DLG1: variants seen among roughly 807,000 people sequenced by gnomAD.
DLG1 encodes disks large homolog 1.
In DLG1, 42 loss-of-function variants were observed where a neutral mutation model predicts 123.4. The ratio of observed to expected loss-of-function variants is 0.34; its 90% confidence interval spans 0.27 to 0.44. The LOEUF (loss-of-function observed/expected upper bound fraction) is 0.44. DLG1 is among the 20% of genes least tolerant of loss of function. The pLI, the probability that DLG1 is intolerant of heterozygous loss-of-function variation, is 1.00. For synonymous variants in DLG1, 317 were observed against 356.2 expected, an observed-to-expected ratio of 0.89 and a Z score of 1.24; for missense variants, 942 against 1,082.6, an observed-to-expected ratio of 0.87 and a Z score of 1.82.
At chr3:197,148,411 GAAAAA>G (rs780479244) in intron 6 of DLG1, among the ~76,000 whole-genome samples, 1 of 42,894 alleles carries the variant, frequency 2.3e-5, no homozygotes, top group Non-Finnish European at 4.9e-5. Context: ...ACTGTCTCAA[GAAAAA>G]AAAAAAAAAA....
intron 6 of DLG1, among the ~76,000 whole-genome samples, chr3:197,149,100 C>G (rs957549245): frequency 6.6e-6 from 1 of 152,086 alleles, no homozygotes; most frequent in Non-Finnish European, 1.5e-5. Context: ...GTATGCAATT[C>G]AGTAGTTTCT....
At chr3:197,294,095 CTAAG>C (rs1372191003) in intron 3 of DLG1, 2 of 152,096 alleles carry the variant, frequency 1.3e-5, no homozygotes, top group African/African-American at 2.4e-5. Context: ...CATTTTCAGA[CTAAG>C]TATTAAAAGT....
At position 197,251,517 on chromosome 3, in the gene DLG1, C is replaced by T. The variant is rs115468107; in HGVS notation, c.318+31162G>A. Reference sequence around the variant, plus strand: ...AGCCAACTCATCTTCAACAAAGATGCCAAGAACATATAATGGGGAAAGGAC... The same window carrying T: ...AGCCAACTCATCTTCAACAAAGATGTCAAGAACATATAATGGGGAAAGGAC... On this transcript the variant is annotated intron_variant, in intron 4 of 24. Transcript: ENST00000667157. Among the ~76,000 whole-genome samples, 774 of 152,170 alleles carry T rather than the reference C, an allele frequency of 5.1e-3. 7 individuals are homozygous for T. The highest frequency in any genetic ancestry group is 0.016 in the African/African-American group (659 of 41,526).
At chr3:197,210,570 C>T (rs939643134) in intron 4 of DLG1, among the ~76,000 whole-genome samples, 5 of 143,500 alleles carry the variant, frequency 3.5e-5, no homozygotes, top group African/African-American at 1.2e-4. Context: ...CATCTTACCA[C>T]ACACCATATT....
At chr3:197,250,095 A>G (rs1753628548) in intron 4 of DLG1, among the ~76,000 whole-genome samples, 2 of 152,238 alleles carry the variant, frequency 1.3e-5, no homozygotes, top group Non-Finnish European at 2.9e-5. Flanking sequence ...CCAAAATTGA[A>G]AAGGAAGAAG....
chr3:197,093,436 C>T (rs1426936072), intron 14 of DLG1, among the ~76,000 whole-genome samples: 3 of 152,198 alleles, frequency 2.0e-5, no homozygotes, highest in Non-Finnish European at 4.4e-5. Flanking sequence ...GGATTACCCA[C>T]TGTGCCCAGC....
At chr3:197,293,415 C>T (rs1210286530) in intron 3 of DLG1, among the ~76,000 whole-genome samples, 1 of 152,106 alleles carries the variant, frequency 6.6e-6, no homozygotes, top group Non-Finnish European at 1.5e-5. Flanking sequence ...TATTACATTG[C>T]GAGTATCAAT....
intron 6 of DLG1, 38 bp from the exon 7 acceptor site, chr3:197,142,806 G>A (rs1283529527): frequency 4.4e-6 from 7 of 1,578,964 alleles, no homozygotes; most frequent in Non-Finnish European, 5.1e-6. Context: ...AAACTTCAGA[G>A]TGTAAAATCC....
chr3:197,134,727 G>A (rs1784277802), intron 10 of DLG1, among the ~76,000 whole-genome samples: 2 of 152,174 alleles, frequency 1.3e-5, no homozygotes, highest in African/African-American at 4.8e-5. Context: ...ACACAGTGAG[G>A]GCCATAACAT....
In DLG1 at chr3:197,151,987, G is replaced by A. The variant is rs576854126; in HGVS notation, c.484-2191C>T. 2.0e-5 allele frequency among the ~76,000 whole-genome samples: 3 copies of A among 152,246 alleles called. No homozygotes were observed. In the South Asian group the frequency reaches 6.2e-4, roughly 32 times the overall value. On this transcript the variant is annotated intron_variant, in intron 5 of 24. Transcript: ENST00000667157. ...CTGCCTCTACCCCCAATCTCTAAGT[G>A]AATTATAGAGCTTCACTGTTGTCCA...
rs188430568 is a variant in DLG1 at position 197,277,359 on chromosome 3, C to G, written c.318+5320G>C. On this transcript the variant is annotated intron_variant, in intron 4 of 24. Transcript: ENST00000667157. ...TCTTGCCTTTTTTTCCAGAGGGAGT[C>G]TCACCCTGTCACCCAGGCTGGAGTG... 2.9e-3 allele frequency among the ~76,000 whole-genome samples: 433 copies of G among 151,440 alleles called. 1 individual carries two copies. The highest frequency in any genetic ancestry group is 4.5e-3 in the Non-Finnish European group (308 of 67,794).
intron 5 of DLG1, among the ~76,000 whole-genome samples, chr3:197,177,305 A>C (rs538981489): frequency 6.6e-6 from 1 of 152,146 alleles, no homozygotes; most frequent in Non-Finnish European, 1.5e-5. Context: ...ACCAAAGGAG[A>C]CTATTTCCAC....
chr3:197,256,923 A>G (rs1299705404), intron 4 of DLG1, among the ~76,000 whole-genome samples: 1 of 152,184 alleles, frequency 6.6e-6, no homozygotes, highest in Non-Finnish European at 1.5e-5. Flanking sequence ...AATTATAAGG[A>G]AAACGTTTAA....
intron 22 of DLG1, among the ~76,000 whole-genome samples, chr3:197,063,990 A>G (rs1010549635): frequency 2.5e-4 from 36 of 144,714 alleles, no homozygotes; most frequent in South Asian, 8.6e-4. Flanking sequence ...GTGCAGTGGC[A>G]TGGTTTTGGC....
chr3:197,288,224 C>T (rs368921525), intron 3 of DLG1, among the ~76,000 whole-genome samples: 1 of 151,628 alleles, frequency 6.6e-6, no homozygotes, highest in African/African-American at 2.4e-5. Flanking sequence ...ACTAGCTAGG[C>T]GTGGTGGCGC....
At chr3:197,113,389 G>C (rs1436229623) in intron 13 of DLG1, among the ~76,000 whole-genome samples, 1 of 152,028 alleles carries the variant, frequency 6.6e-6, no homozygotes, top group Non-Finnish European at 1.5e-5. Flanking sequence ...CTGTAGATTT[G>C]TCCATTTCCT....
At chr3:197,283,607 C>G (rs1686334091) in intron 3 of DLG1, among the ~76,000 whole-genome samples, 3 of 152,160 alleles carry the variant, frequency 2.0e-5, no homozygotes. Flanking sequence ...TCCCGCTATT[C>G]CGAAGCTGTA....
chr3:197,233,144 A>C (rs2150640655), intron 4 of DLG1, among the ~76,000 whole-genome samples: 1 of 152,326 alleles, frequency 6.6e-6, no homozygotes, highest in East Asian at 1.9e-4. Context: ...ACATATAATG[A>C]ATAATCTGAA....
In DLG1 at chr3:197,071,403, C is replaced by CT. The variant is rs34629433; in HGVS notation, c.2006-2144dup. 2.1e-3 allele frequency among the ~76,000 whole-genome samples: 281 copies of CT among 131,732 alleles called. 3 individuals are homozygous for CT. The highest frequency in any genetic ancestry group is 4.8e-3 in the African/African-American group (171 of 35,676). 86.4% of individuals were successfully genotyped at this position (131,732 alleles called of 152,430 possible). A position where few individuals can be genotyped will look rare whatever the true frequency, so the allele number is the denominator to read the frequency against. On this transcript the variant is annotated intron_variant, in intron 18 of 24. Coordinates refer to ENST00000667157, the MANE Select transcript of DLG1 (RefSeq NM_001366207.1). The stretch of plus-strand genomic sequence containing the variant: ...TAAGTTACCAAAATCTCTTCACTGT[C>CT]TTTTTTTTTTTTTTTTGAGATTTCT...
Sources: gnomAD v4.1 joint callset for allele counts (sites outside exome capture counted in the v4.1 genomes callset) on GRCh38, gnomAD v4.1.1 for gene constraint, MANE v1.5 for transcripts, NCBI Gene and HGNC (gene_info 2026-07-23, HGNC 2026-07-21) for gene names.